PPP6R2: variants seen among roughly 807,000 people sequenced by gnomAD.
PPP6R2 encodes the protein serine/threonine-protein phosphatase 6 regulatory subunit 2.
PPP6R2 carries 62 observed loss-of-function variants against 100.2 expected under a neutral mutation model. That is an observed-to-expected ratio of 0.62 (90% CI 0.50 to 0.76). The LOEUF is 0.76. PPP6R2 is among the 30% of genes least tolerant of loss of function. The pLI, the probability that PPP6R2 is intolerant of heterozygous loss-of-function variation, is 0.00. For missense variants in PPP6R2, 1,142 were observed against 1,276.3 expected (o/e 0.89, Z 1.60); for synonymous variants, 525 against 514.7 (o/e 1.02, Z -0.27).
intron 2 of PPP6R2, among the ~76,000 whole-genome samples, chr22:50,383,413 T>C (rs946567978): frequency 1.3e-5 from 2 of 152,180 alleles, no homozygotes; most frequent in Non-Finnish European, 2.9e-5. Flanking sequence ...AATTTTTGTT[T>C]TTAGGGTTGC....
chr22:50,438,649 G>C lies in PPP6R2; in HGVS notation c.2015G>C (p.Arg672Pro), dbSNP rs148234883. ...SESCSKNGPE[R>P]GGQDGKASLE... ...AGTTGCTCAAAGAATGGCCCAGAGC[G>C]TGGAGGCCAGGATGGGAAGGCGAGC... The change falls in exon 19 of 24, where the codon CGT becomes CCT. Residue 672 changes from arginine (R) to proline (P), a missense_variant. This residue lies in a region of PPP6R2 where 550 missense variants were observed against 517.4 expected (regional missense o/e 1.06). Coordinates refer to ENST00000612753, the MANE Select transcript of PPP6R2 (RefSeq NM_001242898.2). The C allele has an allele frequency of 2.5e-6, 4 of 1,614,074 alleles. No individual in the cohort carries two copies. Among genetic ancestry groups the C allele is most frequent in the Non-Finnish European group, 3.4e-6 (4 of 1,179,988 alleles).
chr22:50,441,752 G>C (rs2065684202), intron 22 of PPP6R2, among the ~76,000 whole-genome samples: 1 of 152,142 alleles, frequency 6.6e-6, no homozygotes, highest in Non-Finnish European at 1.5e-5. Flanking sequence ...CCAGCAAGCT[G>C]AACCCCATCC....
chr22:50,359,909 G>A (rs879437059), intron 1 of PPP6R2, among the ~76,000 whole-genome samples: 7 of 152,184 alleles, frequency 4.6e-5, no homozygotes, highest in Admixed American at 3.9e-4. Context: ...TTTTCCTTCA[G>A]GATTTCTTGT....
At chr22:50,354,771 G>A (rs1262312216) in intron 1 of PPP6R2, among the ~76,000 whole-genome samples, 1 of 152,030 alleles carries the variant, frequency 6.6e-6, no homozygotes, top group Admixed American at 6.6e-5. Context: ...CTGCACTCCA[G>A]CCTGGATGAC....
At chr22:50,420,329 G>T (rs1014834070) in intron 8 of PPP6R2, among the ~76,000 whole-genome samples, 16 of 152,234 alleles carry the variant, frequency 1.1e-4, no homozygotes, top group Non-Finnish European at 5.9e-5. Context: ...TGTGGCAGAG[G>T]AGAGTGGAGC....
At position 50,410,469 on chromosome 22, in the gene PPP6R2, C is replaced by CTTT. The variant is rs200178930; in HGVS notation, c.414+3617_414+3619dup. 7.6e-4 allele frequency among the ~76,000 whole-genome samples: 79 copies of CTTT among 103,366 alleles called. 1 individual carries two copies. The highest frequency in any genetic ancestry group is 1.0e-3 in the Non-Finnish European group (50 of 50,104). The allele number at this position is 103,366 out of a possible 152,430, so 67.8% of individuals were successfully genotyped here. On this transcript the variant is annotated intron_variant, in intron 4 of 23. Coordinates refer to ENST00000612753, the MANE Select transcript of PPP6R2 (RefSeq NM_001242898.2). ...ATCTTTGTATTATTTTGAGTGGTGT[C>CTTT]TTTTTTTTTTTTTTTTTTTTTTTTT...
intron 1 of PPP6R2, among the ~76,000 whole-genome samples, chr22:50,359,915 C>T (rs1272058358): frequency 6.6e-6 from 1 of 152,102 alleles, no homozygotes; most frequent in East Asian, 1.9e-4. Flanking sequence ...TTCAGGATTT[C>T]TTGTAATGTG....
chr22:50,425,632 C>G (rs976047650), intron 10 of PPP6R2, among the ~76,000 whole-genome samples: 1 of 152,176 alleles, frequency 6.6e-6, no homozygotes, highest in East Asian at 1.9e-4. Flanking sequence ...AAAGTCTCCC[C>G]TTTCTCCTCA....
chr22:50,348,673 A>G (rs1339356414), intron 1 of PPP6R2, among the ~76,000 whole-genome samples: 2 of 152,132 alleles, frequency 1.3e-5, no homozygotes, highest in East Asian at 3.9e-4. Context: ...GGGAGAAGGT[A>G]TCTTACAGGA....
At position 50,444,211 on chromosome 22, in the gene PPP6R2, C is replaced by A. The variant is rs200659354; in HGVS notation, c.2844C>A (p.Ala948=). Residue 948 remains alanine (A), a synonymous_variant, in exon 24 of 24, where the codon GCC becomes GCA. Transcript: ENST00000612753. ...GTVTKDGKTD[A]PPEGAALNGP... is the part of the protein sequence containing the mutation. ...CCCATTCCTGCAGGAAGACAGATGC[C>A]CCGCCAGAAGGAGCTGCCTTAAATG... 2 of 1,613,126 alleles carry A rather than the reference C, an allele frequency of 1.2e-6. No homozygotes were observed. Among genetic ancestry groups the A allele is most frequent in the Non-Finnish European group, 1.7e-6 (2 of 1,179,852 alleles).
In PPP6R2 at chr22:50,419,399, C is replaced by T. The variant is rs773106672; in HGVS notation, c.782C>T (p.Thr261Met). The T allele has an allele frequency of 2.9e-5, 47 of 1,614,026 alleles. 1 individual carries two copies. The Admixed American group carries it at 4.3e-4, about 15-fold the overall frequency. The change falls in exon 8 of 24, where the codon ACG becomes ATG. Residue 261 changes from threonine (T) to methionine (M), a missense_variant. Around this residue, in one of 2 missense-constraint regions of PPP6R2, gnomAD observed 592 missense variants for 758.9 expected, o/e 0.78. Coordinates refer to ENST00000612753, the MANE Select transcript of PPP6R2 (RefSeq NM_001242898.2). ...LLKNMFDGDR[T>M]ESCLVSGTQV... ...AAGAACATGTTTGATGGAGACCGGA[C>T]GGAGAGCTGCCTCGTCAGTGGGACT...
chr22:50,375,914 C>T (rs905311935), intron 2 of PPP6R2, among the ~76,000 whole-genome samples: 13 of 131,468 alleles, frequency 9.9e-5, no homozygotes, highest in African/African-American at 3.6e-4. Context: ...AATCTCGGTT[C>T]ACTGCAACCT....
At chr22:50,382,519 C>CA (rs147082481) in intron 2 of PPP6R2, among the ~76,000 whole-genome samples, 227 of 126,592 alleles carry the variant, frequency 1.8e-3, no homozygotes, top group African/African-American at 2.5e-3. Context: ...AATCCGTCTC[C>CA]AAAAAAAAAA....
chr22:50,426,014 G>A (rs2062071443), intron 10 of PPP6R2, among the ~76,000 whole-genome samples: 1 of 151,944 alleles, frequency 6.6e-6, no homozygotes, highest in South Asian at 2.1e-4. Context: ...TTGCAGTACA[G>A]TGATCATAGC....
chr22:50,352,591 G>A (rs2045545704), intron 1 of PPP6R2, among the ~76,000 whole-genome samples: 1 of 151,990 alleles, frequency 6.6e-6, no homozygotes, highest in African/African-American at 2.4e-5. Context: ...TGGGTATGGT[G>A]GTGCGTGCCT....
intron 22 of PPP6R2, among the ~76,000 whole-genome samples, chr22:50,441,252 G>T (rs967105025): frequency 6.6e-6 from 1 of 152,188 alleles, no homozygotes; most frequent in Non-Finnish European, 1.5e-5. Context: ...CTTCTTTCGT[G>T]GACAGAACAT....
At chr22:50,441,101 GCTCCCCT>G in intron 22 of PPP6R2, 75 bp downstream of exon 22, 1 of 1,274,896 alleles carries the variant, frequency 7.8e-7, no homozygotes, top group Non-Finnish European at 1.1e-6. Flanking sequence ...CCAGGTCTCA[GCTCCCCT>G]GAGAGGAGGT....
intron 2 of PPP6R2, among the ~76,000 whole-genome samples, chr22:50,382,913 C>CAG (rs1374251550): frequency 8.6e-5 from 13 of 151,634 alleles, no homozygotes; most frequent in African/African-American, 1.2e-4. Flanking sequence ...TCTCAGCTCA[C>CAG]TGCAACCTCT....
In PPP6R2 at chr22:50,441,033, G is replaced by A. The variant is rs1462612758; in HGVS notation, c.2579+7G>A. ...CAGAGGAGGCTGTCGGCAGGTGTGT[G>A]GGGCGTGGCGGGGGCGGGCCTGCCG... On this transcript the variant is annotated splice_region_variant and intron_variant, in intron 22 of 23. Transcript: ENST00000612753. 6.4e-7 allele frequency: 1 copy of A among 1,554,724 alleles called. No homozygotes were observed.
Sources: allele counts gnomAD v4.1 joint callset (sites outside exome capture counted in the v4.1 genomes callset), GRCh38; gene constraint gnomAD v4.1.1; regional missense constraint gnomAD v4.1.1; transcripts MANE v1.5; gene names NCBI Gene and HGNC (gene_info 2026-07-23, HGNC 2026-07-21).